The following MCU variants were observed in gnomAD, a reference collection of about 807,000 sequenced individuals.
MCU encodes the protein mitochondrial calcium uniporter, also known as calcium uniporter protein, mitochondrial.
A neutral mutation model predicts 45.2 loss-of-function variants in MCU; 12 were observed. That is an observed-to-expected ratio of 0.27 (90% CI 0.17 to 0.43). The LOEUF (loss-of-function observed/expected upper bound fraction) is 0.43. Among genes scored for constraint, MCU ranks in the 20% least tolerant of loss-of-function variants. The pLI is 1.00. For synonymous variants in MCU, 160 were observed against 165.1 expected (o/e 0.97, Z 0.24); for missense variants, 324 against 436.7 (o/e 0.74, Z 2.30).
intron 1 of MCU, among the ~76,000 whole-genome samples, chr10:72,831,160 C>CA (rs1320986887): frequency 1.3e-5 from 2 of 152,106 alleles, no homozygotes; most frequent in African/African-American, 4.8e-5. Context: ...AAAACCTTGA[C>CA]AGTGCAGTAA....
chr10:72,764,005 A>G (rs1843692360), intron 1 of MCU, among the ~76,000 whole-genome samples: 1 of 152,206 alleles, frequency 6.6e-6, no homozygotes, highest in South Asian at 2.1e-4. Flanking sequence ...TTTCTCTAAA[A>G]GTAGCCATTT....
chr10:72,874,657 C>T (rs2075854270), intron 6 of MCU, among the ~76,000 whole-genome samples: 1 of 152,172 alleles, frequency 6.6e-6, no homozygotes, highest in African/African-American at 2.4e-5. Flanking sequence ...ATTTTTAGCA[C>T]CTAGTTGCAT....
chr10:72,769,845 C>T (rs971764014), intron 1 of MCU, among the ~76,000 whole-genome samples: 2 of 152,120 alleles, frequency 1.3e-5, no homozygotes, highest in African/African-American at 4.8e-5. Context: ...CTACTGTGGA[C>T]ATTTCTGTAA....
chr10:72,812,699 A>C (rs995047918), intron 1 of MCU, among the ~76,000 whole-genome samples: 4 of 152,232 alleles, frequency 2.6e-5, no homozygotes, highest in Non-Finnish European at 5.9e-5. Flanking sequence ...GTTTTCTGAC[A>C]TAACTTTCTA....
At chr10:72,802,834 CA>C in intron 1 of MCU, among the ~76,000 whole-genome samples, 1 of 152,156 alleles carries the variant, frequency 6.6e-6, no homozygotes, top group Admixed American at 6.6e-5. Flanking sequence ...AAATCCTTTA[CA>C]AAAACATCAC....
At chr10:72,725,121 C>T (rs1306220958) in intron 1 of MCU, among the ~76,000 whole-genome samples, 1 of 151,956 alleles carries the variant, frequency 6.6e-6, no homozygotes, top group Admixed American at 6.6e-5. Flanking sequence ...CACGCCACCA[C>T]ACCTGGCTAA....
At chr10:72,795,089 A>G (rs1413042131) in intron 1 of MCU, among the ~76,000 whole-genome samples, 5 of 152,214 alleles carry the variant, frequency 3.3e-5, no homozygotes, top group South Asian at 2.1e-4. Context: ...CTATTTAACT[A>G]TAGACAGCTA....
intron 6 of MCU, among the ~76,000 whole-genome samples, chr10:72,881,181 A>G (rs1410432189): frequency 1.3e-5 from 2 of 152,146 alleles, no homozygotes; most frequent in Non-Finnish European, 2.9e-5. Flanking sequence ...TTTTCAATAA[A>G]TGGTGCTAGG....
chr10:72,866,177 CT>C (rs1447001874), intron 4 of MCU, among the ~76,000 whole-genome samples: 2 of 152,058 alleles, frequency 1.3e-5, no homozygotes, highest in African/African-American at 4.8e-5. Flanking sequence ...CTTTCTGTCC[CT>C]GGTTGAGGAA....
intron 1 of MCU, among the ~76,000 whole-genome samples, chr10:72,812,139 C>T (rs1844553596): frequency 6.7e-6 from 1 of 150,000 alleles, no homozygotes; most frequent in African/African-American, 2.5e-5. Context: ...TTCAAGGTTT[C>T]TTTTCTTTTT....
intron 2 of MCU, among the ~76,000 whole-genome samples, chr10:72,853,741 G>A (rs754957823): frequency 7.9e-5 from 12 of 152,208 alleles, no homozygotes; most frequent in South Asian, 2.1e-4. Flanking sequence ...AGAGGGCTGG[G>A]CATGGTGGCT....
intron 1 of MCU, among the ~76,000 whole-genome samples, chr10:72,786,995 G>A (rs944951754): frequency 2.0e-5 from 3 of 152,044 alleles, no homozygotes; most frequent in Non-Finnish European, 4.4e-5. Flanking sequence ...ATTTATATAT[G>A]GAGAGAGAGG....
At chr10:72,874,952 A>G (rs559529507) in intron 6 of MCU, among the ~76,000 whole-genome samples, 11 of 152,322 alleles carry the variant, frequency 7.2e-5, no homozygotes, top group African/African-American at 2.6e-4. Flanking sequence ...ACTATTAAGT[A>G]CGTTTTGCTA....
intron 1 of MCU, among the ~76,000 whole-genome samples, chr10:72,741,885 G>A (rs911511502): frequency 2.0e-5 from 3 of 151,862 alleles, no homozygotes; most frequent in Admixed American, 1.3e-4. Context: ...AAAATTAGTC[G>A]GGCATGGTGG....
chr10:72,805,929 T>C (rs1844441415), intron 1 of MCU, among the ~76,000 whole-genome samples: 1 of 151,692 alleles, frequency 6.6e-6, no homozygotes, highest in Non-Finnish European at 1.5e-5. Flanking sequence ...ATCAAGGAGG[T>C]GGTAATTGAA....
At position 72,764,087 on chromosome 10, in the gene MCU, T is replaced by C. The variant is rs146775115; in HGVS notation, c.151-70272T>C. On this transcript the variant is annotated intron_variant, in intron 1 of 7. Transcript: ENST00000373053. ...TCCCTTCTTAGGAGCTGACTTTATT[T>C]CCTTTAGCATCCCCTTCACATTTAC... Among the ~76,000 whole-genome samples the C allele has an allele frequency of 6.0e-3, 907 of 152,318 alleles. 12 individuals are homozygous for C. The highest frequency in any genetic ancestry group is 0.021 in the African/African-American group (855 of 41,564).
intron 1 of MCU, among the ~76,000 whole-genome samples, chr10:72,739,801 C>G (rs548149321): frequency 6.6e-6 from 1 of 151,558 alleles, no homozygotes; most frequent in African/African-American, 2.4e-5. Context: ...CTTAGCCTCC[C>G]GAGTAGCTGG....
intron 1 of MCU, among the ~76,000 whole-genome samples, chr10:72,729,271 C>T (rs1421706625): frequency 1.3e-5 from 2 of 152,140 alleles, no homozygotes; most frequent in Admixed American, 6.5e-5. Context: ...TCGAGACCAG[C>T]CTGACCAACA....
At chr10:72,727,702 T>C (rs2132680356) in intron 1 of MCU, among the ~76,000 whole-genome samples, 1 of 152,280 alleles carries the variant, frequency 6.6e-6, no homozygotes, top group East Asian at 1.9e-4. Context: ...TGGGAAGCAC[T>C]ATGCTACATA....
Sources: gnomAD v4.1 joint callset for allele counts (sites outside exome capture counted in the v4.1 genomes callset) on GRCh38, gnomAD v4.1.1 for gene constraint, MANE v1.5 for transcripts, NCBI Gene and HGNC (gene_info 2026-07-23, HGNC 2026-07-21) for gene names.